The following TNFRSF11A variants were observed in gnomAD, a reference collection of about 807,000 sequenced individuals.
TNFRSF11A encodes tumor necrosis factor receptor superfamily member 11A.
TNFRSF11A carries 32 observed loss-of-function variants against 55.7 expected under a neutral mutation model. The ratio of observed to expected loss-of-function variants is 0.57; its 90% CI spans 0.43 to 0.77. The LOEUF is 0.77. TNFRSF11A is among the 30% of genes least tolerant of loss of function. The pLI is 0.00. For missense variants in TNFRSF11A, 753 were observed against 809.8 expected, an observed-to-expected ratio of 0.93 and a Z score of 0.85; for synonymous variants, 311 against 331.0, an observed-to-expected ratio of 0.94 and a Z score of 0.65.
intron 9 of TNFRSF11A, among the ~76,000 whole-genome samples, chr18:62,376,564 C>G (rs1031854703): frequency 2.0e-5 from 3 of 152,172 alleles, no homozygotes; most frequent in African/African-American, 7.2e-5. Flanking sequence ...CAGCCTCCCC[C>G]ACTAGAGTGG....
chr18:62,328,421 G>GA (rs375939630), intron 1 of TNFRSF11A, among the ~76,000 whole-genome samples: 22,818 of 141,876 alleles, frequency 0.16, 2,313 homozygotes, highest in Middle Eastern at 0.28. Context: ...CAGAAAGAAA[G>GA]AAAAAAAAAA....
intron 9 of TNFRSF11A, chr18:62,377,985 C>T (rs1911015034): frequency 6.6e-6 from 1 of 152,144 alleles, no homozygotes. Flanking sequence ...CGTTGAGTTT[C>T]TAGGCATTCA....
intron 1 of TNFRSF11A, among the ~76,000 whole-genome samples, chr18:62,330,431 A>G (rs950001661): frequency 6.6e-6 from 1 of 152,208 alleles, no homozygotes; most frequent in Admixed American, 6.5e-5. Flanking sequence ...GACTCGCATC[A>G]GAGTGGAGTG....
intron 7 of TNFRSF11A, among the ~76,000 whole-genome samples, chr18:62,366,419 G>A (rs949647524): frequency 1.3e-5 from 2 of 152,166 alleles, no homozygotes; most frequent in Non-Finnish European, 2.9e-5. Context: ...GAAGAAAGTT[G>A]TCCAGGAATC....
intron 9 of TNFRSF11A, among the ~76,000 whole-genome samples, chr18:62,370,302 C>A (rs1205947513): frequency 6.6e-6 from 1 of 152,164 alleles, no homozygotes; most frequent in African/African-American, 2.4e-5. Context: ...GGTCAGGGAT[C>A]TCTTTGAGAA....
At chr18:62,338,659 T>G (rs2046268658) in intron 1 of TNFRSF11A, among the ~76,000 whole-genome samples, 1 of 151,930 alleles carries the variant, frequency 6.6e-6, no homozygotes, top group Non-Finnish European at 1.5e-5. Flanking sequence ...TCCAGGAGCT[T>G]GAGGGAGGGG....
At chr18:62,351,414 A>G (rs2046470615) in intron 3 of TNFRSF11A, among the ~76,000 whole-genome samples, 1 of 152,352 alleles carries the variant, frequency 6.6e-6, no homozygotes, top group East Asian at 1.9e-4. Context: ...GGCAAACTTC[A>G]TATATAATAT....
chr18:62,380,537 C>T (rs1259223929), intron 9 of TNFRSF11A, among the ~76,000 whole-genome samples: 2 of 149,540 alleles, frequency 1.3e-5, no homozygotes, highest in East Asian at 2.0e-4. Context: ...CCTGGGTTCA[C>T]GCCATTCTCC....
chr18:62,353,712 CGTGT>C (rs35838037), intron 3 of TNFRSF11A, among the ~76,000 whole-genome samples: 3 of 151,020 alleles, frequency 2.0e-5, no homozygotes, highest in African/African-American at 7.3e-5. Flanking sequence ...ATAACAGATA[CGTGT>C]GTGTGTGTGT....
At chr18:62,380,167 C>T (rs1000515415) in intron 9 of TNFRSF11A, among the ~76,000 whole-genome samples, 4 of 152,230 alleles carry the variant, frequency 2.6e-5, no homozygotes, top group African/African-American at 7.2e-5. Context: ...CCTTGTGCGG[C>T]TGCACAGGCC....
At chr18:62,356,089 T>C (rs967620684) in intron 4 of TNFRSF11A, among the ~76,000 whole-genome samples, 3 of 152,214 alleles carry the variant, frequency 2.0e-5, no homozygotes, top group African/African-American at 7.2e-5. Context: ...TTTCTTAGAG[T>C]AATTTGCTTT....
At chr18:62,346,669 G>A (rs776228080) in intron 1 of TNFRSF11A, among the ~76,000 whole-genome samples, 1 of 152,188 alleles carries the variant, frequency 6.6e-6, no homozygotes, top group Admixed American at 6.5e-5. Flanking sequence ...GCTGGCCAGG[G>A]TGAGGTCAGA....
At chr18:62,366,591 T>C (rs1910102251) in intron 7 of TNFRSF11A, 117 bp from the exon 8 acceptor site, 3 of 1,087,476 alleles carry the variant, frequency 2.8e-6, no homozygotes, top group Non-Finnish European at 4.3e-6. Flanking sequence ...CATTTTACTA[T>C]CTATATTTGT....
chr18:62,345,050 G>C (rs1893994611), intron 1 of TNFRSF11A, among the ~76,000 whole-genome samples: 1 of 152,248 alleles, frequency 6.6e-6, no homozygotes, highest in Non-Finnish European at 1.5e-5. Context: ...GGCAAAGCAA[G>C]ACAGGCTGGA....
intron 9 of TNFRSF11A, among the ~76,000 whole-genome samples, chr18:62,381,614 A>G (rs1911294008): frequency 6.6e-6 from 1 of 152,144 alleles, no homozygotes; most frequent in Non-Finnish European, 1.5e-5. Context: ...CTCATGATGG[A>G]TGGTTTTGCA....
At chr18:62,384,316 G>GTTCCTCCTCTCCTCCTCCTCCTC (rs1568499189) in intron 9 of TNFRSF11A, among the ~76,000 whole-genome samples, 1 of 97,748 alleles carries the variant, frequency 1.0e-5, no homozygotes, top group East Asian at 2.9e-4. Flanking sequence ...CTCCTTTCCT[G>GTTCCTCCTCTCCTCCTCCTCCTC]TTCCTCCTCT....
intron 9 of TNFRSF11A, among the ~76,000 whole-genome samples, chr18:62,382,540 T>G (rs1384595593): frequency 1.3e-5 from 2 of 152,218 alleles, no homozygotes; most frequent in Non-Finnish European, 2.9e-5. Context: ...TTTCCTATTC[T>G]TTTTCTTCCT....
intron 1 of TNFRSF11A, among the ~76,000 whole-genome samples, chr18:62,327,581 C>G (rs773113369): frequency 6.6e-6 from 1 of 152,154 alleles, no homozygotes; most frequent in Non-Finnish European, 1.5e-5. Context: ...GCTTGTTTGG[C>G]CAGCCTATTC....
At position 62,354,431 on chromosome 18, in the gene TNFRSF11A, C is replaced by T. The variant is rs759879855; in HGVS notation, c.324C>T (p.Thr108=). The change falls in exon 4 of 10, where the codon ACC becomes ACT. Residue 108 remains threonine, a synonymous_variant. Coordinates refer to ENST00000586569, the MANE Select transcript of TNFRSF11A (RefSeq NM_003839.4). The part of the protein sequence containing the change: ...LVAVVAGNST[T]PRRCACTAGY... ...CCGTGGTCGCCGGCAACAGCACGAC[C>T]CCCCGGCGCTGCGCGTGCACGGCTG... The T allele has an allele frequency of 1.3e-6, 2 of 1,596,586 alleles. No homozygotes were observed. The highest frequency in any genetic ancestry group is 1.1e-5 in the South Asian group (1 of 90,498).
Sources: allele counts gnomAD v4.1 joint callset (sites outside exome capture counted in the v4.1 genomes callset), GRCh38; gene constraint gnomAD v4.1.1; transcripts MANE v1.5; gene names NCBI Gene and HGNC (gene_info 2026-07-23, HGNC 2026-07-21).